MRPL10: variants seen among roughly 807,000 people sequenced by gnomAD.
The protein encoded by MRPL10 is large ribosomal subunit protein uL10m.
A neutral mutation model predicts 19.8 loss-of-function variants in MRPL10; 14 were observed. The observed-to-expected ratio is 0.71, with a 90% CI of 0.47 to 1.11. The LOEUF (loss-of-function observed/expected upper bound fraction) is 1.11. Ranked by LOEUF, MRPL10 falls within the 50% of genes least tolerant of loss-of-function variation. MRPL10 has a pLI of 0.00. For synonymous variants in MRPL10, 129 were observed against 139.2 expected (o/e 0.93, Z 0.52); for missense variants, 318 against 339.6 (o/e 0.94, Z 0.50).
Position 47,824,314 on chromosome 17 carries a change from G to T in MRPL10, c.677C>A (p.Pro226His), listed in dbSNP as rs748076847. 1.9e-5 allele frequency: 31 copies of T among 1,614,026 alleles called. No individual in the cohort carries two copies. The highest frequency in any genetic ancestry group is 2.5e-5 in the Non-Finnish European group (30 of 1,180,036). ...AQTHSLLQHQ[P>H]LQLTTLLDQY... is the part of the protein sequence containing the mutation. The stretch of plus-strand genomic sequence containing the variant: ...GTCCAACAGGGTGGTCAGCTGGAGG[G>T]GCTGGTGCTGGAGCAGGGAGTGGGT... The change falls in exon 5 of 5, where the codon CCC (proline) becomes CAC (histidine). Residue 226 changes from proline to histidine, a missense_variant. Pro to His is a moderately conservative substitution (Grantham distance 77). Coordinates refer to ENST00000351111, the MANE Select transcript of MRPL10 (RefSeq NM_145255.4).
chr17:47,826,319 A>G (rs1300607165), intron 4 of MRPL10, among the ~76,000 whole-genome samples: 1 of 151,842 alleles, frequency 6.6e-6, no homozygotes, highest in African/African-American at 2.4e-5. Flanking sequence ...TACTTGGGCT[A>G]CTTGTATTAA....
At chr17:47,827,276 T>A in intron 2 of MRPL10, 72 bp from the exon 3 acceptor site, 1 of 1,389,426 alleles carries the variant, frequency 7.2e-7, no homozygotes. Flanking sequence ...CCCTCTGTGG[T>A]AGGTTCTAGG....
intron 2 of MRPL10, among the ~76,000 whole-genome samples, chr17:47,827,694 C>T (rs1391830641): frequency 1.3e-5 from 2 of 150,918 alleles, no homozygotes; most frequent in Non-Finnish European, 1.5e-5. Context: ...GTCAGGAGTT[C>T]GAGACCAGCC....
intron 4 of MRPL10, 45 bp from the exon 5 acceptor site, chr17:47,824,503 C>T (rs766892147): frequency 2.0e-6 from 3 of 1,502,806 alleles, no homozygotes; most frequent in Non-Finnish European, 2.7e-6. Context: ...GATTGCCTTT[C>T]TTCTCTGAAA....
At chr17:47,828,256 GTA>G (rs1265223048) in intron 2 of MRPL10, 1 of 366,714 alleles carries the variant, frequency 2.7e-6, no homozygotes, top group Non-Finnish European at 4.9e-6. Flanking sequence ...ACCTGCTAGG[GTA>G]GCTCTCACAC....
chr17:47,828,110 G>A (rs1036644982), intron 2 of MRPL10, among the ~76,000 whole-genome samples: 1 of 151,286 alleles, frequency 6.6e-6, no homozygotes, highest in Non-Finnish European at 1.5e-5. Context: ...GGCTGAGGCA[G>A]GAGAATCACT....
rs1377313854 is a variant in MRPL10, at chr17:47,828,487, A to G, written c.222+14T>C. 17 of 1,405,820 alleles carry G rather than the reference A, an allele frequency of 1.2e-5. No individual in the cohort carries two copies. The highest frequency in any genetic ancestry group is 1.6e-5 in the Non-Finnish European group (17 of 1,074,064). 87.1% of individuals were successfully genotyped at this position (1,405,820 alleles called of 1,614,324 possible). On this transcript the variant is annotated intron_variant, in intron 2 of 4. Transcript: ENST00000351111. ...TCCCACCACCAAGTGACATGTACCC[A>G]AATTCCTCCTTACCTCCTGTGGGGG... is the stretch of plus-strand genomic sequence containing the variant.
intron 4 of MRPL10, among the ~76,000 whole-genome samples, chr17:47,825,987 A>C (rs147684050): frequency 0.29 from 43,757 of 149,312 alleles, 7,916 homozygotes; most frequent in East Asian, 0.63. Context: ...AAAAATACGA[A>C]AAAAAAAAAA....
intron 3 of MRPL10, 86 bp downstream of exon 3, chr17:47,826,954 C>T: frequency 2.0e-6 from 3 of 1,474,696 alleles, no homozygotes; most frequent in Non-Finnish European, 2.8e-6. Context: ...TAAGAAGTAT[C>T]ATCACTGGGG....
In MRPL10 at chr17:47,824,469, ACAGGGT is replaced by A; in HGVS notation, c.533-17_533-12del. The A allele has an allele frequency of 6.6e-7, 1 of 1,524,482 alleles. No individual in the cohort carries two copies. The highest frequency in any genetic ancestry group is 8.8e-7 in the Non-Finnish European group (1 of 1,138,520). 94.4% of individuals were successfully genotyped at this position (1,524,482 alleles called of 1,614,324 possible). On this transcript the variant is annotated splice_polypyrimidine_tract_variant and intron_variant, in intron 4 of 4. Transcript: ENST00000351111. ...CATCAATGCAGCCACCTGGAAGAACACAGGGTCAGTTAGGCTCCTTGCAGATTGCCT... is the reference window on the plus strand; with the variant it reads ...CATCAATGCAGCCACCTGGAAGAACACAGTTAGGCTCCTTGCAGATTGCCT...
At chr17:47,826,931 T>C in intron 3 of MRPL10, 109 bp downstream of exon 3, 2 of 1,441,594 alleles carry the variant, frequency 1.4e-6, no homozygotes, top group Non-Finnish European at 1.9e-6. Context: ...GGGTGACTCA[T>C]GGAGAGGAGG....
Position 47,831,527 on chromosome 17 carries a change from G to A in MRPL10, c.-16C>T, listed in dbSNP as rs370811871. 432 of 1,549,270 alleles carry A rather than the reference G, an allele frequency of 2.8e-4. 7 individuals are homozygous for A. The South Asian group carries it at 4.0e-3, about 15-fold the overall frequency. ...CCGCAGCCATCTCCACCGGAAGAAT[G>A]GACGGAAGCCGAGTGGAGACGGAAA... is the stretch of plus-strand genomic sequence containing the variant. On this transcript the variant is annotated 5_prime_UTR_variant, in exon 1 of 5. Transcript: ENST00000351111.
chr17:47,824,660 T>G (rs1045970847), intron 4 of MRPL10, among the ~76,000 whole-genome samples: 1 of 152,066 alleles, frequency 6.6e-6, no homozygotes, highest in Non-Finnish European at 1.5e-5. Context: ...AGAAAACTCT[T>G]AATATATCCA....
intron 2 of MRPL10, 164 bp downstream of exon 2, chr17:47,828,337 A>T: frequency 2.0e-6 from 1 of 505,820 alleles, no homozygotes; most frequent in Non-Finnish European, 3.2e-6. Flanking sequence ...GCCAATACAG[A>T]ATCAAGTGCG....
rs762004695 is a variant in MRPL10, at chr17:47,827,081, G to A, written c.346C>T (p.Leu116=). The change falls in exon 3 of 5, where the codon CTG becomes TTG. Residue 116 remains leucine (L), a synonymous_variant. Transcript: ENST00000351111. ...AEDKLLMRHQ[L]RKHKILMKVF... ...TTCATCAGGATCTTGTGTTTCCGCA[G>A]CTGGTGTCGCATAAGAAGCTTGTCC... The A allele has an allele frequency of 1.1e-5, 17 of 1,613,862 alleles. No individual in the cohort carries two copies. In the South Asian group the frequency reaches 1.1e-4, roughly 10 times the overall value.
At chr17:47,828,268 C>A in intron 2 of MRPL10, 1 of 379,700 alleles carries the variant, frequency 2.6e-6, no homozygotes, top group Non-Finnish European at 4.7e-6. Flanking sequence ...AGCTCTCACA[C>A]ACACATTTTT....
chr17:47,829,715 C>T (rs887832975), intron 1 of MRPL10: 3 of 152,196 alleles, frequency 2.0e-5, no homozygotes, highest in Admixed American at 1.3e-4. Context: ...ATGGTGAAAC[C>T]CCGTCTCTAA....
chr17:47,828,385 T>G, intron 2 of MRPL10, 116 bp downstream of exon 2: 2 of 706,354 alleles, frequency 2.8e-6, no homozygotes, highest in Non-Finnish European at 4.2e-6. Context: ...GCAGTCAAAC[T>G]GAAATAATGA....
chr17:47,825,983 A>ATG (rs1205871827), intron 4 of MRPL10, among the ~76,000 whole-genome samples: 10 of 129,718 alleles, frequency 7.7e-5, no homozygotes, highest in Non-Finnish European at 1.6e-4. Context: ...TACTAAAAAT[A>ATG]CGAAAAAAAA....
Sources: allele counts gnomAD v4.1 joint callset (sites outside exome capture counted in the v4.1 genomes callset), GRCh38; gene constraint gnomAD v4.1.1; transcripts MANE v1.5; gene names NCBI Gene and HGNC (gene_info 2026-07-23, HGNC 2026-07-21).